Variants in FBXW7 observed in about 807,000 individuals in gnomAD.
FBXW7 encodes F-box and WD repeat domain containing 7, also known as F-box/WD repeat-containing protein 7.
FBXW7 carries 11 observed loss-of-function variants against 86.3 expected under a neutral mutation model. The ratio of observed to expected loss-of-function variants is 0.13; its 90% CI spans 0.08 to 0.21. The LOEUF (loss-of-function observed/expected upper bound fraction) is 0.21. FBXW7 is among the 10% of genes least tolerant of loss of function. FBXW7 has a pLI of 1.00. For synonymous variants in FBXW7, 313 were observed against 297.9 expected, an observed-to-expected ratio of 1.05 and a Z score of -0.52; for missense variants, 488 against 847.4, an observed-to-expected ratio of 0.58 and a Z score of 5.27.
intron 5 of FBXW7, among the ~76,000 whole-genome samples, chr4:152,349,392 T>C (rs1227612257): frequency 2.6e-5 from 4 of 151,956 alleles, no homozygotes; most frequent in African/African-American, 4.8e-5. Context: ...AAGCCACTTT[T>C]AATTGGCTGG....
At position 152,382,411 on chromosome 4, in the gene FBXW7, T is replaced by C. The variant is rs947434952; in HGVS notation, c.501+28892A>G. On this transcript the variant is annotated intron_variant, in intron 4 of 13. Transcript: ENST00000281708. ...ATTACTAAAAGCTCTAACCACTAAA[T>C]TTTAAAAATATATATTTAATAATAG... 7 of 1,298,258 alleles carry C rather than the reference T, an allele frequency of 5.4e-6. No individual in the cohort carries two copies. The South Asian group carries it at 9.3e-5, about 17-fold the overall frequency. The allele number at this position is 1,298,258 out of a possible 1,614,324, so 80.4% of individuals were successfully genotyped here. A position where few individuals can be genotyped will look rare whatever the true frequency, so the allele number is the denominator to read the frequency against.
Position 152,535,358 on chromosome 4 carries a change from G to A in FBXW7, c.-444C>T, listed in dbSNP as rs1750431727. The A allele has an allele frequency of 5.4e-6, 2 of 372,686 alleles. No individual in the cohort carries two copies. Among genetic ancestry groups the A allele is most frequent in the Non-Finnish European group, 9.5e-6 (2 of 209,812 alleles). The allele number at this position is 372,686 out of a possible 1,614,324, so 23.1% of individuals were successfully genotyped here. On this transcript the variant is annotated 5_prime_UTR_variant, in exon 1 of 14. Transcript: ENST00000281708. ...CCCGGAGTCCAGCCAAGGAGCCGGG[G>A]GGCCGGCGACTGGCCAAGGGAGAAG... is the stretch of plus-strand genomic sequence containing the variant.
intron 4 of FBXW7, among the ~76,000 whole-genome samples, chr4:152,395,349 A>G (rs1736330965): frequency 6.6e-6 from 1 of 152,016 alleles, no homozygotes; most frequent in Non-Finnish European, 1.5e-5. Flanking sequence ...TGGACAACCT[A>G]TATCCTATTA....
At chr4:152,338,582 G>C (rs1730395584) in intron 6 of FBXW7, among the ~76,000 whole-genome samples, 1 of 151,930 alleles carries the variant, frequency 6.6e-6, no homozygotes, top group African/African-American at 2.4e-5. Context: ...ATAAGAAAGA[G>C]ATACACTATA....
At chr4:152,356,782 G>A (rs946720223) in intron 4 of FBXW7, among the ~76,000 whole-genome samples, 7 of 152,134 alleles carry the variant, frequency 4.6e-5, no homozygotes, top group Admixed American at 2.0e-4. Context: ...GATATCAACT[G>A]GAATAGTATA....
intron 2 of FBXW7, among the ~76,000 whole-genome samples, chr4:152,486,177 C>T (rs909460161): frequency 1.3e-5 from 2 of 152,142 alleles, no homozygotes; most frequent in Non-Finnish European, 2.9e-5. Flanking sequence ...GCTTACAGGA[C>T]TGGAAGCTGC....
At chr4:152,459,711 T>C (rs1353180909) in intron 2 of FBXW7, among the ~76,000 whole-genome samples, 1 of 152,216 alleles carries the variant, frequency 6.6e-6, no homozygotes, top group Non-Finnish European at 1.5e-5. Flanking sequence ...CCTATACATA[T>C]ATACTTATTA....
intron 2 of FBXW7, among the ~76,000 whole-genome samples, chr4:152,454,275 T>C (rs954219955): frequency 7.3e-6 from 1 of 136,932 alleles, no homozygotes; most frequent in African/African-American, 2.6e-5. Context: ...TTTTTTTTTT[T>C]TCCACGCCAA....
intron 4 of FBXW7, among the ~76,000 whole-genome samples, chr4:152,354,252 TA>T (rs1732142581): frequency 6.6e-6 from 1 of 152,062 alleles, no homozygotes; most frequent in Non-Finnish European, 1.5e-5. Context: ...ACCTGGCTCT[TA>T]AATTAATTCT....
intron 4 of FBXW7, among the ~76,000 whole-genome samples, chr4:152,402,052 G>GTT (rs1344464067): frequency 6.6e-6 from 1 of 152,200 alleles, no homozygotes; most frequent in Non-Finnish European, 1.5e-5. Context: ...AATGGGTCAT[G>GTT]TTTCAGTGAA....
intron 4 of FBXW7, among the ~76,000 whole-genome samples, chr4:152,359,517 C>T (rs555753847): frequency 1.4e-4 from 22 of 152,128 alleles, no homozygotes; most frequent in African/African-American, 5.1e-4. Flanking sequence ...GCAGGAGGAT[C>T]GTTTGAGGTT....
chr4:152,502,132 A>T (rs1348061877), intron 2 of FBXW7, among the ~76,000 whole-genome samples: 3 of 152,166 alleles, frequency 2.0e-5, no homozygotes, highest in African/African-American at 7.2e-5. Context: ...TTAATTTCTA[A>T]TATATTAGCT....
At chr4:152,353,289 A>G (rs1366197990) in intron 4 of FBXW7, among the ~76,000 whole-genome samples, 1 of 152,156 alleles carries the variant, frequency 6.6e-6, no homozygotes, top group East Asian at 1.9e-4. Flanking sequence ...AGAAATTAAT[A>G]TACTCTGGGG....
intron 2 of FBXW7, among the ~76,000 whole-genome samples, chr4:152,418,635 ATACAT>A (rs1275985074): frequency 6.6e-6 from 1 of 152,230 alleles, no homozygotes; most frequent in Non-Finnish European, 1.5e-5. Context: ...CAGTTTTATC[ATACAT>A]TAAAGATGAG....
intron 2 of FBXW7, among the ~76,000 whole-genome samples, chr4:152,497,343 C>A (rs201997135): frequency 2.0e-3 from 174 of 86,834 alleles, no homozygotes; most frequent in African/African-American, 4.4e-3. Flanking sequence ...AAAAAAAAAA[C>A]CACACACACA....
At chr4:152,392,434 A>T (rs1033241436) in intron 4 of FBXW7, among the ~76,000 whole-genome samples, 1 of 152,074 alleles carries the variant, frequency 6.6e-6, no homozygotes, top group Non-Finnish European at 1.5e-5. Context: ...TAGCCCAGGT[A>T]AAAAGACCGT....
At chr4:152,507,456 A>C (rs1747532417) in intron 2 of FBXW7, among the ~76,000 whole-genome samples, 1 of 152,258 alleles carries the variant, frequency 6.6e-6, no homozygotes, top group Non-Finnish European at 1.5e-5. Flanking sequence ...TTGTGAAGAA[A>C]TCCTCCAGGA....
intron 2 of FBXW7, among the ~76,000 whole-genome samples, chr4:152,518,347 G>C (rs1015784728): frequency 6.6e-6 from 1 of 152,036 alleles, no homozygotes; most frequent in African/African-American, 2.4e-5. Context: ...CCAGGCTAAA[G>C]TATAGTGGCA....
At chr4:152,352,700 T>G in intron 4 of FBXW7, 1 of 1,613,762 alleles carries the variant, frequency 6.2e-7, no homozygotes, top group Non-Finnish European at 8.5e-7. Context: ...CAAATGCAGC[T>G]CAGTATCAAA....
Sources: allele counts gnomAD v4.1 joint callset (sites outside exome capture counted in the v4.1 genomes callset), GRCh38; gene constraint gnomAD v4.1.1; transcripts MANE v1.5; gene names NCBI Gene and HGNC (gene_info 2026-07-23, HGNC 2026-07-21).